CATSPERT: variants seen among roughly 807,000 people sequenced by gnomAD.
CATSPERT encodes cation channel sperm-associated targeting subunit tau.
the CATSPERT span, among the ~76,000 whole-genome samples, chr2:201,515,221 T>TAGC: frequency 1.7e-5 from 1 of 57,714 alleles, no homozygotes; most frequent in Admixed American, 1.7e-4. Context: ...TTTTTTTTTT[T>TAGC]TTTTTTTTTT....
At chr2:201,614,886 C>T in the CATSPERT span, among the ~76,000 whole-genome samples, 1 of 151,994 alleles carries the variant, frequency 6.6e-6, no homozygotes, top group African/African-American at 2.4e-5. Context: ...CAATGGAAAA[C>T]AAGAAAAAGC....
the CATSPERT span, chr2:201,554,722 C>T: frequency 6.6e-6 from 1 of 152,170 alleles, no homozygotes; most frequent in Admixed American, 6.5e-5. Flanking sequence ...TTTACTGCCA[C>T]AGAACTAAAT....
At chr2:201,614,353 C>T in the CATSPERT span, among the ~76,000 whole-genome samples, 1 of 152,192 alleles carries the variant, frequency 6.6e-6, no homozygotes, top group Non-Finnish European at 1.5e-5. Flanking sequence ...AGACTAACAG[C>T]AGATCTCTTG....
At chr2:201,542,094 T>G in the CATSPERT span, among the ~76,000 whole-genome samples, 4 of 152,154 alleles carry the variant, frequency 2.6e-5, no homozygotes, top group Non-Finnish European at 5.9e-5. Context: ...TCATGTACAT[T>G]GACTTTTTAC....
the CATSPERT span, chr2:201,554,895 A>T: frequency 6.6e-6 from 1 of 152,156 alleles, no homozygotes; most frequent in Non-Finnish European, 1.5e-5. Flanking sequence ...CCAAAACTCC[A>T]CATACTCATT....
the CATSPERT span, among the ~76,000 whole-genome samples, chr2:201,545,038 A>T: frequency 6.6e-6 from 1 of 151,756 alleles, no homozygotes; most frequent in Non-Finnish European, 1.5e-5. Flanking sequence ...AGCAACATTA[A>T]AACGTCTTTT....
the CATSPERT span, among the ~76,000 whole-genome samples, chr2:201,599,437 C>G: frequency 6.6e-6 from 1 of 152,144 alleles, no homozygotes; most frequent in East Asian, 1.9e-4. Flanking sequence ...TCTCCCCTGA[C>G]AGTTTTCATA....
chr2:201,535,558 T>C, the CATSPERT span: 4 of 992,498 alleles, frequency 4.0e-6, no homozygotes, highest in Non-Finnish European at 4.8e-6. Flanking sequence ...TAAATTTCCT[T>C]TGAATTTACA....
chr2:201,519,554 ATAATCT>A, the CATSPERT span, among the ~76,000 whole-genome samples: 1 of 152,180 alleles, frequency 6.6e-6, no homozygotes, highest in African/African-American at 2.4e-5. Context: ...ATTCAAAATA[ATAATCT>A]TAAGGAAACA....
the CATSPERT span, among the ~76,000 whole-genome samples, chr2:201,534,014 A>T: frequency 6.6e-6 from 1 of 151,838 alleles, no homozygotes; most frequent in Non-Finnish European, 1.5e-5. Context: ...AATTCCCAAG[A>T]TTACACGGAA....
the CATSPERT span, among the ~76,000 whole-genome samples, chr2:201,497,341 T>G: frequency 6.6e-6 from 1 of 152,228 alleles, no homozygotes; most frequent in Non-Finnish European, 1.5e-5. Context: ...TGTACTTCCA[T>G]ACCTATTCTT....
chr2:201,590,255 G>A, the CATSPERT span, among the ~76,000 whole-genome samples: 4 of 151,364 alleles, frequency 2.6e-5, no homozygotes, highest in African/African-American at 4.9e-5. Context: ...TTGTTCTTGC[G>A]ATAGTTTACT....
At chr2:201,536,090 A>G in the CATSPERT span, 2 of 1,613,416 alleles carry the variant, frequency 1.2e-6, no homozygotes, top group South Asian at 2.2e-5. Flanking sequence ...CTAATGGAAA[A>G]AATACATTTT....
chr2:201,612,844 T>G, the CATSPERT span, among the ~76,000 whole-genome samples: 9 of 151,982 alleles, frequency 5.9e-5, no homozygotes, highest in Non-Finnish European at 1.3e-4. Flanking sequence ...ATCGGGACAC[T>G]CCCACCCTAA....
chr2:201,545,194 C>T, the CATSPERT span, among the ~76,000 whole-genome samples: 2 of 151,564 alleles, frequency 1.3e-5, no homozygotes, highest in African/African-American at 4.8e-5. Context: ...CCTGCCACCG[C>T]GCCTGGCTAA....
the CATSPERT span, among the ~76,000 whole-genome samples, chr2:201,613,339 CCT>C: frequency 6.6e-6 from 1 of 152,282 alleles, no homozygotes; most frequent in East Asian, 1.9e-4. Flanking sequence ...ACTGGGTGCC[CCT>C]CTGAGACAAC....
the CATSPERT span, chr2:201,545,518 T>TA: frequency 7.6e-7 from 1 of 1,322,884 alleles, no homozygotes; most frequent in Admixed American, 2.5e-5. Flanking sequence ...ATCTTAATAA[T>TA]AAAAAAATCA....
chr2:201,491,518 T>C, the CATSPERT span: 8 of 1,536,068 alleles, frequency 5.2e-6, no homozygotes, highest in Non-Finnish European at 7.0e-6. Flanking sequence ...TAAATGCTTT[T>C]TATTATTGTT....
the CATSPERT span, chr2:201,545,551 A>G: frequency 1.3e-6 from 2 of 1,496,182 alleles, no homozygotes; most frequent in Admixed American, 2.2e-5. Flanking sequence ...ACCTACTCCT[A>G]CAATATTTTC....
Sources: allele counts gnomAD v4.1 joint callset (sites outside exome capture counted in the v4.1 genomes callset), GRCh38; gene constraint gnomAD v4.1.1; transcripts MANE v1.5; gene names NCBI Gene and HGNC (gene_info 2026-07-23, HGNC 2026-07-21).